Variants in PALLD observed in about 807,000 individuals in gnomAD.
PALLD encodes palladin.
In PALLD, 61 loss-of-function variants were observed where a neutral mutation model predicts 123.5. That is an observed-to-expected ratio of 0.49 (90% confidence interval 0.40 to 0.61). PALLD has a LOEUF of 0.61. Among genes scored for constraint, PALLD ranks in the 20% least tolerant of loss-of-function variants. PALLD has a pLI of 0.00. For synonymous variants in PALLD, 465 were observed against 496.4 expected, an observed-to-expected ratio of 0.94 and a Z score of 0.84; for missense variants, 1,273 against 1,377.0, an observed-to-expected ratio of 0.92 and a Z score of 1.20.
chr4:168,805,112 T>C (rs767718231), intron 10 of PALLD, among the ~76,000 whole-genome samples: 3 of 151,500 alleles, frequency 2.0e-5, no homozygotes, highest in Non-Finnish European at 4.4e-5. Flanking sequence ...GAGCCGAGAT[T>C]GCGCCATTAC....
intron 10 of PALLD, among the ~76,000 whole-genome samples, chr4:168,888,810 C>A (rs1031927527): frequency 6.6e-6 from 1 of 152,106 alleles, no homozygotes; most frequent in Non-Finnish European, 1.5e-5. Context: ...GGTGAACACT[C>A]AGCAAAATTA....
chr4:168,592,134 A>G (rs1329660806), intron 2 of PALLD, among the ~76,000 whole-genome samples: 3 of 151,402 alleles, frequency 2.0e-5, no homozygotes, highest in African/African-American at 7.3e-5. Context: ...CTCCTGCCTC[A>G]GCCTCCTGAG....
intron 11 of PALLD, chr4:168,894,055 T>C (rs929537202): frequency 4.2e-5 from 7 of 167,170 alleles, no homozygotes; most frequent in African/African-American, 1.7e-4. Flanking sequence ...CATCTTCCTT[T>C]AGCTAAACAT....
chr4:168,773,499 G>A (rs1734733402), intron 10 of PALLD, among the ~76,000 whole-genome samples: 2 of 152,322 alleles, frequency 1.3e-5, no homozygotes, highest in African/African-American at 4.8e-5. Context: ...GCTAAGTGCT[G>A]TTCAGGTGTG....
Position 168,916,069 on chromosome 4 carries a change from C to G in PALLD, c.2850+42C>G, listed in dbSNP as rs780140461. Reference sequence around the variant, plus strand: ...GCTTGCATATCCTATTGCCCCACTTCTCCCTCACTTGCCATTTCTCTATAG... The same window carrying G: ...GCTTGCATATCCTATTGCCCCACTTGTCCCTCACTTGCCATTTCTCTATAG... On this transcript the variant is annotated intron_variant, in intron 17 of 21. Transcript: ENST00000505667. The G allele has an allele frequency of 1.1e-5, 18 of 1,579,778 alleles. No individual in the cohort carries two copies. The Admixed American group carries it at 1.3e-4, about 12-fold the overall frequency.
At chr4:168,895,275 GGGAA>G (rs1754867352) in intron 12 of PALLD, among the ~76,000 whole-genome samples, 2 of 152,154 alleles carry the variant, frequency 1.3e-5, no homozygotes, top group Admixed American at 6.5e-5. Flanking sequence ...CCAGCTACTC[GGGAA>G]GCTGAGGCAG....
intron 10 of PALLD, among the ~76,000 whole-genome samples, chr4:168,882,957 G>T (rs1038965299): frequency 6.6e-6 from 1 of 152,100 alleles, no homozygotes; most frequent in African/African-American, 2.4e-5. Flanking sequence ...GGGCATGGTG[G>T]TGTGCACCTG....
chr4:168,673,569 G>C (rs934082675), intron 3 of PALLD, among the ~76,000 whole-genome samples: 2 of 152,132 alleles, frequency 1.3e-5, no homozygotes, highest in African/African-American at 2.4e-5. Context: ...AATCATGGAG[G>C]GTTTAAACTG....
chr4:168,591,546 T>G (rs1580464078), intron 2 of PALLD, among the ~76,000 whole-genome samples: 1 of 152,196 alleles, frequency 6.6e-6, no homozygotes, highest in Non-Finnish European at 1.5e-5. Context: ...CCATAGATGC[T>G]TTCTCATCAC....
chr4:168,504,345 C>T (rs1323594029), intron 1 of PALLD, among the ~76,000 whole-genome samples: 2 of 152,196 alleles, frequency 1.3e-5, no homozygotes, highest in Non-Finnish European at 2.9e-5. Flanking sequence ...CCTGTAATCC[C>T]AGCATTTTGG....
chr4:168,753,010 A>G (rs987771210), intron 10 of PALLD, among the ~76,000 whole-genome samples: 1 of 152,182 alleles, frequency 6.6e-6, no homozygotes, highest in African/African-American at 2.4e-5. Flanking sequence ...AAAAAAAGCT[A>G]AACTATATTA....
At chr4:168,828,621 T>C (rs1467375493) in intron 10 of PALLD, among the ~76,000 whole-genome samples, 1 of 152,250 alleles carries the variant, frequency 6.6e-6, no homozygotes, top group African/African-American at 2.4e-5. Context: ...TAACCACCTA[T>C]GTTTCACTAT....
chr4:168,753,527 T>C (rs907588454), intron 10 of PALLD, among the ~76,000 whole-genome samples: 20 of 152,150 alleles, frequency 1.3e-4, no homozygotes, highest in Non-Finnish European at 1.5e-5. Context: ...GCTTTTTCTG[T>C]AGTCTCCTCC....
At chr4:168,851,441 C>A (rs1747766874) in intron 10 of PALLD, among the ~76,000 whole-genome samples, 1 of 149,534 alleles carries the variant, frequency 6.7e-6, no homozygotes, top group Admixed American at 6.6e-5. Context: ...AATCTCGGCT[C>A]ACTGCAACCT....
chr4:168,512,125 T>G lies in PALLD; in HGVS notation c.621T>G (p.Pro207=). The G allele has an allele frequency of 6.2e-7, 1 of 1,614,182 alleles. No homozygotes were observed. Among genetic ancestry groups the G allele is most frequent in the Admixed American group, 1.7e-5 (1 of 60,024 alleles). The change falls in exon 2 of 22, where the codon CCT becomes CCG. Residue 207 remains proline, a synonymous_variant. Transcript: ENST00000505667. ...CACCAGACAGTGGGTACCTGTCTCC[T>G]AAAAATCAGCCGTCAGCCCTGCTGA... The part of the protein sequence containing the change: ...SSSPDSGYLS[P]KNQPSALLSA...
chr4:168,772,980 T>C (rs934016239), intron 10 of PALLD, among the ~76,000 whole-genome samples: 26 of 152,148 alleles, frequency 1.7e-4, no homozygotes, highest in Non-Finnish European at 3.1e-4. Context: ...GGACGTTTAA[T>C]GGGTTTACAT....
At chr4:168,879,919 C>CA (rs1294302833) in intron 10 of PALLD, among the ~76,000 whole-genome samples, 1 of 151,924 alleles carries the variant, frequency 6.6e-6, no homozygotes, top group Non-Finnish European at 1.5e-5. Flanking sequence ...TATCTTGGTA[C>CA]AAAGAAGCTG....
chr4:168,700,792 G>A (rs895606385), intron 8 of PALLD: 3 of 152,302 alleles, frequency 2.0e-5, no homozygotes, highest in Non-Finnish European at 4.4e-5. Context: ...GAGCCCAGGA[G>A]TTCAAGGCTG....
intron 2 of PALLD, among the ~76,000 whole-genome samples, chr4:168,651,504 G>A (rs1048155403): frequency 1.3e-5 from 2 of 152,064 alleles, no homozygotes; most frequent in African/African-American, 2.4e-5. Context: ...CAGTCACCAT[G>A]TATCAATTAA....
Sources: gnomAD v4.1 joint callset for allele counts (sites outside exome capture counted in the v4.1 genomes callset) on GRCh38, gnomAD v4.1.1 for gene constraint, MANE v1.5 for transcripts, NCBI Gene and HGNC (gene_info 2026-07-23, HGNC 2026-07-21) for gene names.